Variants in CCDC38 observed in about 807,000 individuals in gnomAD.
CCDC38 encodes coiled-coil domain containing 38.
CCDC38 carries 69 observed loss-of-function variants against 72.8 expected under a neutral mutation model. The observed-to-expected ratio is 0.95, with a 90% confidence interval of 0.78 to 1.16. The LOEUF (loss-of-function observed/expected upper bound fraction) is 1.16, where lower values mean the gene tolerates loss of function less well. Ranked by LOEUF, CCDC38 falls within the 50% of genes most tolerant of loss-of-function variation. The probability of loss-of-function intolerance (pLI) is 0.00; values close to 1 mark genes in which losing one functional copy is unlikely to be tolerated. For synonymous variants in CCDC38, 201 were observed against 213.2 expected (o/e 0.94, Z 0.50); for missense variants, 626 against 638.9 (o/e 0.98, Z 0.22).
At chr12:95,906,591 C>T (rs1206552752) in intron 4 of CCDC38, 140 bp from the exon 5 acceptor site, 7 of 594,052 alleles carry the variant, frequency 1.2e-5, no homozygotes, top group African/African-American at 7.6e-5. Context: ...TAAACCTTTT[C>T]CTAGCCACTC....
rs2079679819 is a variant in CCDC38, at chr12:95,879,850, C to T, written c.991-55G>A. The T allele has an allele frequency of 2.2e-6, 3 of 1,341,898 alleles. No homozygotes were observed. The highest frequency in any genetic ancestry group is 3.1e-6 in the Non-Finnish European group (3 of 969,762). 83.1% of individuals were successfully genotyped at this position (1,341,898 alleles called of 1,614,324 possible). A position where few individuals can be genotyped will look rare whatever the true frequency, so the allele number is the denominator to read the frequency against. ...TACTTAAAAATATGCTACCTATGCA[C>T]ATGTGACTTATCTAGAAAATACAGT... On this transcript the variant is annotated intron_variant, in intron 11 of 15. Coordinates refer to ENST00000344280, the MANE Select transcript of CCDC38 (RefSeq NM_182496.3). This position sits in a 1 kb window ranked among gnomAD's most constrained non-coding sequence, Gnocchi z 5.5.
intron 5 of CCDC38, among the ~76,000 whole-genome samples, chr12:95,899,578 C>T (rs1388560139): frequency 6.6e-6 from 1 of 152,148 alleles, no homozygotes; most frequent in African/African-American, 2.4e-5. Context: ...GGATTACAGG[C>T]GTGAGCCACC....
At chr12:95,923,454 G>A (rs2080230772) in intron 2 of CCDC38, among the ~76,000 whole-genome samples, 1 of 151,932 alleles carries the variant, frequency 6.6e-6, no homozygotes, top group South Asian at 2.1e-4. Flanking sequence ...TTAGTGGGCT[G>A]GACACCTCTT....
chr12:95,932,494 T>C (rs10859989), intron 2 of CCDC38, among the ~76,000 whole-genome samples: 65,654 of 151,942 alleles, frequency 0.43, 14,564 homozygotes, highest in Admixed American at 0.54. Flanking sequence ...TTAGAAATCA[T>C]GGCTTTTACT....
At chr12:95,890,652 G>A (rs889646390) in intron 9 of CCDC38, among the ~76,000 whole-genome samples, 180 bp downstream of exon 9, 21 of 152,308 alleles carry the variant, frequency 1.4e-4, no homozygotes, top group Middle Eastern at 3.4e-3. Context: ...CTATCCACTC[G>A]TGCACCTCTT....
intron 8 of CCDC38, among the ~76,000 whole-genome samples, chr12:95,891,295 T>C (rs1466985402): frequency 1.3e-5 from 2 of 152,224 alleles, no homozygotes; most frequent in Non-Finnish European, 2.9e-5. Flanking sequence ...CAGACTTAAC[T>C]AGTTTCTGAA....
rs567382240 is a variant in CCDC38, at chr12:95,914,661, T to C, written c.304+2468A>G. Among the ~76,000 whole-genome samples the C allele has an allele frequency of 7.9e-5, 12 of 152,348 alleles. No individual in the cohort carries two copies. In the East Asian group the frequency reaches 2.1e-3, roughly 27 times the overall value. On this transcript the variant is annotated intron_variant, in intron 4 of 15. Coordinates refer to ENST00000344280, the MANE Select transcript of CCDC38 (RefSeq NM_182496.3). ...GTTTTACACACAGTCTGCATTCAAA[T>C]CTTCCCAGTTGTCTTAAAAATACCT...
At chr12:95,871,466 T>A (rs2079579597) in intron 14 of CCDC38, among the ~76,000 whole-genome samples, 2 of 152,166 alleles carry the variant, frequency 1.3e-5, no homozygotes, top group South Asian at 4.1e-4. Flanking sequence ...ACCAATCCCC[T>A]ACAGATACCA....
At chr12:95,919,690 T>C (rs2080183348) in intron 2 of CCDC38, 1 of 451,640 alleles carries the variant, frequency 2.2e-6, no homozygotes, top group Non-Finnish European at 4.4e-6. Context: ...AATTTTGAGA[T>C]ATTAATATGT....
At chr12:95,929,272 G>T (rs530898873) in intron 2 of CCDC38, among the ~76,000 whole-genome samples, 19 of 152,258 alleles carry the variant, frequency 1.2e-4, no homozygotes, top group Middle Eastern at 3.4e-3. Flanking sequence ...TGGGAAAAGC[G>T]CAGTATTCGG....
rs569185714 is a variant in CCDC38, at chr12:95,894,247, A to C, written c.772+742T>G. ...AAACAACAACAAAACCAAACAAAAC[A>C]AAAAATAAAAATAAAAATGAATGAC... is the stretch of plus-strand genomic sequence containing the variant. On this transcript the variant is annotated intron_variant, in intron 8 of 15. Transcript: ENST00000344280. 3.3e-5 allele frequency among the ~76,000 whole-genome samples: 5 copies of C among 152,196 alleles called. No individual in the cohort carries two copies. In the East Asian group the frequency reaches 7.7e-4, roughly 23 times the overall value.
chr12:95,916,860 C>T (rs912204268), intron 4 of CCDC38, among the ~76,000 whole-genome samples: 8 of 152,080 alleles, frequency 5.3e-5, no homozygotes, highest in South Asian at 2.1e-4. Context: ...ACATTTTATC[C>T]GCTTTTGCAA....
chr12:95,878,203 T>C lies in CCDC38; in HGVS notation c.1278+8A>G, dbSNP rs751234097. On this transcript the variant is annotated splice_region_variant and intron_variant, in intron 13 of 15. Transcript: ENST00000344280. ...AAATGAAATCACCATAGGCAAAGAG[T>C]GATTTACCTGAGCATCTGAATTAAA... The C allele has an allele frequency of 3.1e-6, 5 of 1,611,976 alleles. No homozygotes were observed.
chr12:95,929,040 G>T (rs1292122665), intron 2 of CCDC38, among the ~76,000 whole-genome samples: 1 of 152,214 alleles, frequency 6.6e-6, no homozygotes, highest in Non-Finnish European at 1.5e-5. Flanking sequence ...AGGCAGGCAG[G>T]CCTCCTTGAG....
At chr12:95,903,618 G>A in intron 5 of CCDC38, 2 of 550,156 alleles carry the variant, frequency 3.6e-6, no homozygotes, top group Non-Finnish European at 6.5e-6. Flanking sequence ...GGATATTGTT[G>A]AGTGGTTTTT....
intron 10 of CCDC38, among the ~76,000 whole-genome samples, chr12:95,883,222 C>CATT (rs1307562947): frequency 2.0e-5 from 3 of 152,168 alleles, no homozygotes; most frequent in Non-Finnish European, 1.5e-5. Flanking sequence ...TGTCCTCCAC[C>CATT]ATTTCATTCT....
chr12:95,917,305 G>A lies in CCDC38; in HGVS notation c.139-11C>T. The A allele has an allele frequency of 6.4e-7, 1 of 1,574,510 alleles. No homozygotes were observed. Among genetic ancestry groups the A allele is most frequent in the Non-Finnish European group, 8.6e-7 (1 of 1,169,542 alleles). On this transcript the variant is annotated splice_polypyrimidine_tract_variant and intron_variant, in intron 3 of 15. Coordinates refer to ENST00000344280, the MANE Select transcript of CCDC38 (RefSeq NM_182496.3). ...GTTCATAAATTTTTCCTGCCCAAGT[G>A]GAAAAGTTGAAAAGAATTTTTAATA...
intron 5 of CCDC38, among the ~76,000 whole-genome samples, chr12:95,901,258 G>A (rs932746685): frequency 6.6e-6 from 1 of 152,158 alleles, no homozygotes; most frequent in Non-Finnish European, 1.5e-5. Context: ...GTCTAAGCAA[G>A]TGGAAAAATG....
At chr12:95,941,838 A>C (rs766954777) in intron 1 of CCDC38, among the ~76,000 whole-genome samples, 10 of 152,098 alleles carry the variant, frequency 6.6e-5, no homozygotes, top group Non-Finnish European at 1.5e-4. Context: ...ATGAGCTGTG[A>C]ATAATCTTCT....
Sources: allele counts gnomAD v4.1 joint callset (sites outside exome capture counted in the v4.1 genomes callset), GRCh38; gene constraint gnomAD v4.1.1; non-coding constraint Gnocchi (gnomAD v3.1); transcripts MANE v1.5; gene names NCBI Gene and HGNC (gene_info 2026-07-23, HGNC 2026-07-21).